The following MTPN variants were observed in gnomAD, a reference collection of about 807,000 sequenced individuals.
The protein encoded by MTPN is myotrophin, also known as granule cell differentiation protein.
Under a neutral mutation model 13.5 loss-of-function variants are expected in MTPN, and 2 were observed. That is an observed-to-expected ratio of 0.15 (90% CI 0.06 to 0.47). The LOEUF is 0.47. Among genes scored for constraint, MTPN ranks in the 20% least tolerant of loss-of-function variants. The pLI, the probability that MTPN is intolerant of heterozygous loss-of-function variation, is 0.97. For synonymous variants in MTPN, 46 were observed against 51.7 expected, an observed-to-expected ratio of 0.89 and a Z score of 0.48; for missense variants, 79 against 137.9, an observed-to-expected ratio of 0.57 and a Z score of 2.14.
At chr7:135,962,186 C>T (rs1004828639) in intron 1 of MTPN, among the ~76,000 whole-genome samples, 1 of 151,672 alleles carries the variant, frequency 6.6e-6, no homozygotes, top group Non-Finnish European at 1.5e-5. Flanking sequence ...CCTTAGAGAA[C>T]CCATTATCTA....
At chr7:135,930,258 T>C (rs1798997952) in intron 3 of MTPN, among the ~76,000 whole-genome samples, 2 of 152,212 alleles carry the variant, frequency 1.3e-5, no homozygotes, top group African/African-American at 2.4e-5. Flanking sequence ...ATTTATACTA[T>C]CATGGATGAG....
intron 1 of MTPN, among the ~76,000 whole-genome samples, chr7:135,954,108 C>T (rs542618854): frequency 2.2e-4 from 34 of 152,150 alleles, no homozygotes; most frequent in African/African-American, 7.0e-4. Context: ...TTTCCTTATC[C>T]GTAAAATGGG....
At chr7:135,948,127 A>G (rs1799312051) in intron 3 of MTPN, among the ~76,000 whole-genome samples, 1 of 152,200 alleles carries the variant, frequency 6.6e-6, no homozygotes, top group Non-Finnish European at 1.5e-5. Context: ...CACTGATTAT[A>G]ACTTTTAAAA....
intron 1 of MTPN, among the ~76,000 whole-genome samples, chr7:135,955,216 A>T (rs1434334746): frequency 6.6e-6 from 1 of 152,208 alleles, no homozygotes; most frequent in Non-Finnish European, 1.5e-5. Flanking sequence ...ATTTCAAATG[A>T]ATAATCTTTG....
intron 1 of MTPN, among the ~76,000 whole-genome samples, chr7:135,961,305 AATTCAGTTG>A (rs964236386): frequency 1.1e-4 from 14 of 129,198 alleles, no homozygotes; most frequent in Middle Eastern, 3.5e-3. Flanking sequence ...TGTAGGCAAA[AATTCAGTTG>A]ATTCCCCCCC....
Position 135,977,245 on chromosome 7 carries a change from G to T in MTPN, c.-145C>A. 1.2e-6 allele frequency: 1 copy of T among 804,866 alleles called. No individual in the cohort carries two copies. Among genetic ancestry groups the T allele is most frequent in the Non-Finnish European group, 2.0e-6 (1 of 489,682 alleles). 49.9% of individuals were successfully genotyped at this position (804,866 alleles called of 1,614,324 possible). A position where few individuals can be genotyped will look rare whatever the true frequency, so the allele number is the denominator to read the frequency against. On this transcript the variant is annotated 5_prime_UTR_variant, in exon 1 of 4. Coordinates refer to ENST00000393085, the MANE Select transcript of MTPN (RefSeq NM_145808.4). ...GAAGGAGGGTTAGGCTGCCAGGCGGGCGAGGCAGTTGGCCGCGGCGACCGT... is the reference window on the plus strand; with the variant it reads ...GAAGGAGGGTTAGGCTGCCAGGCGGTCGAGGCAGTTGGCCGCGGCGACCGT...
At chr7:135,966,271 C>T (rs1343886657) in intron 1 of MTPN, among the ~76,000 whole-genome samples, 1 of 152,068 alleles carries the variant, frequency 6.6e-6, no homozygotes, top group African/African-American at 2.4e-5. Context: ...CAGCTTAGCC[C>T]AGCCCGCCTT....
At chr7:135,934,243 A>G (rs1359136197) in intron 3 of MTPN, among the ~76,000 whole-genome samples, 1 of 152,160 alleles carries the variant, frequency 6.6e-6, no homozygotes, top group Admixed American at 6.5e-5. Flanking sequence ...TCTTGCTTAT[A>G]AAACAGTCTT....
intron 3 of MTPN, among the ~76,000 whole-genome samples, chr7:135,943,721 T>C (rs751253064): frequency 2.0e-4 from 30 of 152,206 alleles, no homozygotes; most frequent in Non-Finnish European, 3.5e-4. Flanking sequence ...GTATATTATA[T>C]ATAGTTGTTG....
chr7:135,933,894 G>A (rs1799069763), intron 3 of MTPN, among the ~76,000 whole-genome samples: 1 of 152,104 alleles, frequency 6.6e-6, no homozygotes, highest in South Asian at 2.1e-4. Context: ...GTGCTGTCTT[G>A]TGATAGAGTA....
intron 1 of MTPN, among the ~76,000 whole-genome samples, chr7:135,972,147 A>G (rs1799702177): frequency 6.6e-6 from 1 of 151,930 alleles, no homozygotes. Flanking sequence ...TCTTAATTCT[A>G]AAGTGTTGTT....
At chr7:135,960,378 C>G (rs1799502788) in intron 1 of MTPN, among the ~76,000 whole-genome samples, 1 of 151,816 alleles carries the variant, frequency 6.6e-6, no homozygotes, top group East Asian at 1.9e-4. Flanking sequence ...TGAAGTTATG[C>G]CTTAGGCAAT....
At chr7:135,963,411 C>T (rs138177831) in intron 1 of MTPN, among the ~76,000 whole-genome samples, 2,106 of 152,026 alleles carry the variant, frequency 0.014, 22 homozygotes, top group Non-Finnish European at 0.021. Context: ...TCAAACAATA[C>T]CACAATTATA....
intron 1 of MTPN, among the ~76,000 whole-genome samples, chr7:135,965,925 A>G (rs1300384051): frequency 6.6e-6 from 1 of 152,162 alleles, no homozygotes; most frequent in Non-Finnish European, 1.5e-5. Context: ...ATGTAACGAA[A>G]CTGTATGGCA....
intron 3 of MTPN, among the ~76,000 whole-genome samples, chr7:135,941,880 ACT>A (rs1799215525): frequency 6.8e-6 from 1 of 146,754 alleles, no homozygotes; most frequent in African/African-American, 2.5e-5. Context: ...CTGTTATATT[ACT>A]TTTTTTTTTT....
intron 1 of MTPN, among the ~76,000 whole-genome samples, chr7:135,952,488 T>C (rs1220489622): frequency 6.6e-6 from 1 of 152,170 alleles, no homozygotes; most frequent in Non-Finnish European, 1.5e-5. Context: ...GAGAATAACC[T>C]CCATCTAATA....
intron 1 of MTPN, among the ~76,000 whole-genome samples, chr7:135,966,037 G>C (rs929516036): frequency 6.6e-6 from 1 of 151,992 alleles, no homozygotes; most frequent in Admixed American, 6.6e-5. Context: ...AATTAATATA[G>C]GGTTCTTAAT....
At chr7:135,969,335 A>C (rs913854959) in intron 1 of MTPN, among the ~76,000 whole-genome samples, 2 of 151,774 alleles carry the variant, frequency 1.3e-5, no homozygotes, top group Non-Finnish European at 2.9e-5. Flanking sequence ...GAAGTTTTAA[A>C]TATGATTTAT....
intron 1 of MTPN, among the ~76,000 whole-genome samples, chr7:135,962,896 A>G (rs987755849): frequency 6.6e-6 from 1 of 152,056 alleles, no homozygotes; most frequent in Non-Finnish European, 1.5e-5. Context: ...TCAGGTGAAA[A>G]GAAACAAATA....
Sources: gnomAD v4.1 joint callset for allele counts (sites outside exome capture counted in the v4.1 genomes callset) on GRCh38, gnomAD v4.1.1 for gene constraint, MANE v1.5 for transcripts, NCBI Gene and HGNC (gene_info 2026-07-23, HGNC 2026-07-21) for gene names.